The following ZNF34 variants were observed in gnomAD, a reference collection of about 807,000 sequenced individuals.
ZNF34 encodes zinc finger protein 34, also known as zinc finger protein 34 (KOX 32).
In ZNF34, 8 loss-of-function variants were observed where a neutral mutation model predicts 14.4. That is an observed-to-expected ratio of 0.55 (90% CI 0.33 to 1.00). ZNF34 has a LOEUF of 1.00. ZNF34 is among the 50% of genes least tolerant of loss of function. The pLI is 0.03. For missense variants in ZNF34, 538 were observed against 674.2 expected (o/e 0.80, Z 2.24); for synonymous variants, 235 against 247.9 (o/e 0.95, Z 0.49).
At chr8:144,784,118 C>G (rs1045735805) in intron 1 of ZNF34, among the ~76,000 whole-genome samples, 3 of 151,596 alleles carry the variant, frequency 2.0e-5, no homozygotes, top group African/African-American at 7.3e-5. Flanking sequence ...CGAGATCACA[C>G]CACTGCACTC....
chr8:144,778,285 G>A (rs1019758955), intron 3 of ZNF34, 121 bp from the exon 4 acceptor site: 55 of 1,448,052 alleles, frequency 3.8e-5, no homozygotes, highest in Non-Finnish European at 4.7e-5. Context: ...ATCTGCCACC[G>A]AGCCAGCTAA....
chr8:144,780,397 G>C (rs1825789335), intron 1 of ZNF34, 117 bp from the exon 2 acceptor site: 2 of 786,736 alleles, frequency 2.5e-6, no homozygotes, highest in Non-Finnish European at 4.0e-6. Context: ...TTTTATTTAA[G>C]TATATTTTTA....
chr8:144,772,571 GCT>G lies in ZNF34; in HGVS notation c.*693_*694del, dbSNP rs1490945452. 1.3e-5 allele frequency among the ~76,000 whole-genome samples: 2 copies of G among 152,148 alleles called. No homozygotes were observed. Among genetic ancestry groups the G allele is most frequent in the African/African-American group, 4.8e-5 (2 of 41,436 alleles). On this transcript the variant is annotated 3_prime_UTR_variant, in exon 6 of 6. Transcript: ENST00000429371. ...CATTTATTTTTTGAGACAGCGTCTC[GCT>G]CTGTCACCCAGGCTGGAGTACAGTG... is the stretch of plus-strand genomic sequence containing the variant.
rs1563789711 is a variant in ZNF34, at chr8:144,779,587, A to G, written c.-55+641T>C. On this transcript the variant is annotated intron_variant, in intron 2 of 5. Transcript: ENST00000429371. The surrounding 1 kb of genome is among the most constrained non-coding windows in gnomAD (Gnocchi z 4.1). Reference sequence around the variant, plus strand: ...CCATGGCCTGGTGTTGGGTCTGATCACCCCAACAATCACACCTGGCTAATT... The same window carrying G: ...CCATGGCCTGGTGTTGGGTCTGATCGCCCCAACAATCACACCTGGCTAATT... Among the ~76,000 whole-genome samples, 1 of 152,004 alleles carries G rather than the reference A, an allele frequency of 6.6e-6. No homozygotes were observed. Among genetic ancestry groups the G allele is most frequent in the Admixed American group, 6.6e-5 (1 of 15,234 alleles).
intron 1 of ZNF34, among the ~76,000 whole-genome samples, chr8:144,786,382 C>T (rs1265846001): frequency 3.9e-5 from 6 of 152,014 alleles, no homozygotes; most frequent in African/African-American, 1.4e-4. Context: ...GCCTGTATTC[C>T]CAGCACTCTG....
intron 1 of ZNF34, among the ~76,000 whole-genome samples, chr8:144,783,296 T>C (rs1481971697): frequency 6.6e-6 from 1 of 152,148 alleles, no homozygotes; most frequent in African/African-American, 2.4e-5. Flanking sequence ...AGAGGACACA[T>C]TAGAAGCACT....
chr8:144,780,377 C>T, intron 1 of ZNF34, 97 bp from the exon 2 acceptor site: 3 of 901,382 alleles, frequency 3.3e-6, no homozygotes, highest in East Asian at 2.8e-5. Flanking sequence ...TTTTCTGTAT[C>T]TTTAAAGCTT....
At chr8:144,776,014 A>G (rs1005202621) in intron 5 of ZNF34, among the ~76,000 whole-genome samples, 1 of 152,186 alleles carries the variant, frequency 6.6e-6, no homozygotes, top group African/African-American at 2.4e-5. Flanking sequence ...AGAACACACT[A>G]TCATTTCTGT....
chr8:144,772,856 C>T lies in ZNF34; in HGVS notation c.*410G>A, dbSNP rs1825251226. Among the ~76,000 whole-genome samples the T allele has an allele frequency of 6.6e-6, 1 of 152,130 alleles. No homozygotes were observed. The highest frequency in any genetic ancestry group is 6.6e-5 in the Admixed American group (1 of 15,258). On this transcript the variant is annotated 3_prime_UTR_variant, in exon 6 of 6. Coordinates refer to ENST00000429371, the MANE Select transcript of ZNF34 (RefSeq NM_001286769.2). ...CACCTGGCCGATGCTTTTAAATTTA[C>T]AATATGTAAAAATGTTAAAATATAT...
At chr8:144,783,703 T>C (rs1397879472) in intron 1 of ZNF34, among the ~76,000 whole-genome samples, 1 of 152,228 alleles carries the variant, frequency 6.6e-6, no homozygotes, top group East Asian at 1.9e-4. Flanking sequence ...GAAAGGTCTA[T>C]GGAGAAACAG....
At position 144,773,013 on chromosome 8, in the gene ZNF34, A is replaced by C. The variant is rs9657506; in HGVS notation, c.*253T>G. ...CCAGTATGTCTCGAAAATATTCGTA[A>C]ATCAGCAGCAATGAATTTTTTTTCT... On this transcript the variant is annotated 3_prime_UTR_variant, in exon 6 of 6. Transcript: ENST00000429371. The surrounding 1 kb of genome is among the most constrained non-coding windows in gnomAD (Gnocchi z 5.4). 7.7e-3 allele frequency: 3,101 copies of C among 402,972 alleles called. 92 individuals carry two copies. The highest frequency in any genetic ancestry group is 0.056 in the African/African-American group (2,783 of 49,336). The allele number at this position is 402,972 out of a possible 1,614,324, so 25.0% of individuals were successfully genotyped here. A position where few individuals can be genotyped will look rare whatever the true frequency, so the allele number is the denominator to read the frequency against.
rs1204955586 is a variant in ZNF34 at position 144,774,596 on chromosome 8, G to A, written c.290C>T (p.Thr97Ile). The change falls in exon 6 of 6, where the codon ACC (threonine) becomes ATC (isoleucine). Residue 97 changes from threonine to isoleucine, a missense_variant. Transcript: ENST00000429371. ...HLRVNSPALG[T>I]RTEYKELTSQ... The stretch of plus-strand genomic sequence containing the variant: ...AGTCAACTCCTTGTACTCAGTTCTG[G>A]TCCCAAGAGCTGAAACAAAAAACAG... The A allele has an allele frequency of 6.2e-7, 1 of 1,610,554 alleles. No individual in the cohort carries two copies. Among genetic ancestry groups the A allele is most frequent in the Non-Finnish European group, 8.5e-7 (1 of 1,178,288 alleles).
intron 1 of ZNF34, among the ~76,000 whole-genome samples, chr8:144,786,813 C>T (rs1043042388): frequency 6.6e-6 from 1 of 151,800 alleles, no homozygotes; most frequent in Non-Finnish European, 1.5e-5. Flanking sequence ...TGGCGGAGCG[C>T]GGACGCTAAA....
rs1267549677 is a variant in ZNF34, at chr8:144,773,609, T to C, written c.1277A>G (p.Tyr426Cys). 4 of 1,614,204 alleles carry C rather than the reference T, an allele frequency of 2.5e-6. No homozygotes were observed. Among genetic ancestry groups the C allele is most frequent in the South Asian group, 1.1e-5 (1 of 91,088 alleles). ...HQRSHTGEKP[Y>C]ECNDCGKVFS... The stretch of plus-strand genomic sequence containing the variant: ...AACTTTGCCACAGTCATTGCATTCA[T>C]AGGGCTTCTCTCCAGTGTGGCTTCT... Residue 426 changes from tyrosine to cysteine, a missense_variant, in exon 6 of 6, where the codon TAT becomes TGT. By Grantham distance (194) the Tyr-to-Cys change is radical. Around this residue, in one of 3 missense-constraint regions of ZNF34, gnomAD observed 431 missense variants for 525.7 expected, o/e 0.82. Transcript: ENST00000429371. This position sits in a 1 kb window ranked among gnomAD's most constrained non-coding sequence, Gnocchi z 5.4.
In ZNF34 at chr8:144,777,560, G is replaced by C; in HGVS notation, c.178C>G (p.Pro60Ala). The C allele has an allele frequency of 3.9e-6, 6 of 1,552,486 alleles. No individual in the cohort carries two copies. Among genetic ancestry groups the C allele is most frequent in the Non-Finnish European group, 5.2e-6 (6 of 1,147,476 alleles). The change falls in exon 5 of 6, where the codon CCC becomes GCC. Residue 60 changes from proline to alanine, a missense_variant. Pro to Ala is a conservative substitution (Grantham distance 27). Coordinates refer to ENST00000429371, the MANE Select transcript of ZNF34 (RefSeq NM_001286769.2). The surrounding 1 kb of genome is among the most constrained non-coding windows in gnomAD (Gnocchi z 4.8). ...LVSLGVGPAG[P>A]KPGVISQLER... ...AACTGCGAGATCACTCCAGGCTTGG[G>C]GCCTGCAGGTCCTACTCCTGGGAAG...
Position 144,774,031 on chromosome 8 carries a change from G to C in ZNF34, c.855C>G (p.Pro285=), listed in dbSNP as rs771832614. 2 of 1,613,954 alleles carry C rather than the reference G, an allele frequency of 1.2e-6. No individual in the cohort carries two copies. The highest frequency in any genetic ancestry group is 2.7e-5 in the African/African-American group (2 of 74,912). Residue 285 remains proline, a synonymous_variant, in exon 6 of 6, where the codon CCC becomes CCG. Transcript: ENST00000429371. ...NHRRMHSGEI[P]YRCDECGKTF... is the part of the protein sequence containing the mutation. The stretch of plus-strand genomic sequence containing the variant: ...TCTTCCCACACTCGTCACACCGGTA[G>C]GGAATCTCTCCTGAGTGCATCCTTC...
rs767802287 is a variant in ZNF34, at chr8:144,776,311, C to CAAA, written c.280+1144_280+1146dup. 6.5e-4 allele frequency among the ~76,000 whole-genome samples: 76 copies of CAAA among 117,236 alleles called. 1 individual carries two copies. The highest frequency in any genetic ancestry group is 2.3e-3 in the African/African-American group (74 of 31,836). 76.9% of individuals were successfully genotyped at this position (117,236 alleles called of 152,430 possible). ...TGGGCAACAGAGCAAGACTCTGTCTCAAAAAAAAAAAAAAAGAATGGCTCA... is the reference window on the plus strand; with the variant it reads ...TGGGCAACAGAGCAAGACTCTGTCTCAAAAAAAAAAAAAAAAAAGAATGGCTCA... On this transcript the variant is annotated intron_variant, in intron 5 of 5. Coordinates refer to ENST00000429371, the MANE Select transcript of ZNF34 (RefSeq NM_001286769.2).
Position 144,780,212 on chromosome 8 carries a change from A to G in ZNF34, c.-55+16T>C. 1.3e-6 allele frequency: 2 copies of G among 1,541,192 alleles called. No individual in the cohort carries two copies. Among genetic ancestry groups the G allele is most frequent in the South Asian group, 2.4e-5 (2 of 83,842 alleles). On this transcript the variant is annotated intron_variant, in intron 2 of 5. Coordinates refer to ENST00000429371, the MANE Select transcript of ZNF34 (RefSeq NM_001286769.2). Reference sequence around the variant, plus strand: ...ACCCTGTCTCAAAATAAATAAGTAAAATAAGATTGACTCACCTACCAGAAG... The same window carrying G: ...ACCCTGTCTCAAAATAAATAAGTAAGATAAGATTGACTCACCTACCAGAAG...
At chr8:144,778,979 C>G (rs1825704350) in intron 2 of ZNF34, among the ~76,000 whole-genome samples, 1 of 152,150 alleles carries the variant, frequency 6.6e-6, no homozygotes, top group Non-Finnish European at 1.5e-5. Flanking sequence ...TCCAAACCCC[C>G]TCATGGCCTT....
Sources: gnomAD v4.1 joint callset for allele counts (sites outside exome capture counted in the v4.1 genomes callset) on GRCh38, gnomAD v4.1.1 for gene constraint, gnomAD v4.1.1 regional missense constraint, Gnocchi (gnomAD v3.1) non-coding constraint, MANE v1.5 for transcripts, NCBI Gene and HGNC (gene_info 2026-07-23, HGNC 2026-07-21) for gene names.